Variants in EXOC1L observed in about 807,000 individuals in gnomAD.
The protein encoded by EXOC1L is exocyst complex component 1 like, also known as exocyst complex component 1-like.
A neutral mutation model predicts 4.9 loss-of-function variants in EXOC1L; 10 were observed. The ratio of observed to expected loss-of-function variants is 2.02; its 90% CI spans 1.25 to 3.43. EXOC1L has a LOEUF of 3.43. EXOC1L is among the 30% of genes most tolerant of loss of function. The pLI is 0.00. For synonymous variants in EXOC1L, 41 were observed against 20.8 expected (o/e 1.97, Z -2.63); for missense variants, 114 against 59.4 (o/e 1.92, Z -3.02).
At position 55,829,081 on chromosome 4, in the gene EXOC1L, G is replaced by T. The variant is rs562150323; in HGVS notation, c.122-2253G>T. ...CTATTTGGGTTTGTATTCAGTGTTT[G>T]GTTTTCATCCAGTGTTGTTTCCATC... On this transcript the variant is annotated intron_variant, in intron 1 of 2. Coordinates refer to ENST00000636125, the MANE Select transcript of EXOC1L (RefSeq NM_001351574.3). Among the ~76,000 whole-genome samples, 36 of 152,180 alleles carry T rather than the reference G, an allele frequency of 2.4e-4. 1 individual carries two copies. The highest frequency in any genetic ancestry group is 8.7e-4 in the African/African-American group (36 of 41,532).
At chr4:55,821,612 C>T (rs531012697) in intron 1 of EXOC1L, among the ~76,000 whole-genome samples, 12 of 152,042 alleles carry the variant, frequency 7.9e-5, no homozygotes, top group African/African-American at 2.9e-4. Context: ...TAGTTTCTCC[C>T]TCCAAATTAT....
chr4:55,826,065 A>G lies in EXOC1L; in HGVS notation c.122-5269A>G, dbSNP rs575601734. ...GTGCTGTTGCACTCCAGCCTGGGCG[A>G]CAAGAGCGAAACTCCATCTCAAAAA... On this transcript the variant is annotated intron_variant, in intron 1 of 2. Coordinates refer to ENST00000636125, the MANE Select transcript of EXOC1L (RefSeq NM_001351574.3). Among the ~76,000 whole-genome samples, 36 of 149,462 alleles carry G rather than the reference A, an allele frequency of 2.4e-4. No individual in the cohort carries two copies. The South Asian group carries it at 7.7e-3, about 32-fold the overall frequency.
At position 55,836,634 on chromosome 4, in the gene EXOC1L, A is replaced by T. The variant is rs562148756; in HGVS notation, c.253-451A>T. On this transcript the variant is annotated intron_variant, in intron 2 of 2. Transcript: ENST00000636125. ...AAACTTCAAAGACAGCAAATTGGTG[A>T]TCTGTAGCATGCCAATGGCTAGCTA... is the stretch of plus-strand genomic sequence containing the variant. Among the ~76,000 whole-genome samples, 8 of 152,074 alleles carry T rather than the reference A, an allele frequency of 5.3e-5. No individual in the cohort carries two copies. The East Asian group carries it at 1.5e-3, about 29-fold the overall frequency.
chr4:55,831,288 T>C, intron 1 of EXOC1L, 46 bp from the exon 2 acceptor site: 1 of 518,250 alleles, frequency 1.9e-6, no homozygotes, highest in Middle Eastern at 3.5e-4. Context: ...AATAATTTAT[T>C]AGCTTCTAAG....
At chr4:55,830,052 T>G (rs1719985364) in intron 1 of EXOC1L, among the ~76,000 whole-genome samples, 1 of 152,208 alleles carries the variant, frequency 6.6e-6, no homozygotes, top group Non-Finnish European at 1.5e-5. Context: ...GTATGACCCC[T>G]GTCTTTTCAA....
chr4:55,825,330 A>G (rs1214584970), intron 1 of EXOC1L, among the ~76,000 whole-genome samples: 1 of 152,304 alleles, frequency 6.6e-6, no homozygotes, highest in East Asian at 1.9e-4. Flanking sequence ...CAGTAAGAGT[A>G]GATGCTTTTC....
chr4:55,828,670 G>A (rs906214286), intron 1 of EXOC1L, among the ~76,000 whole-genome samples: 2 of 151,780 alleles, frequency 1.3e-5, no homozygotes, highest in Non-Finnish European at 2.9e-5. Flanking sequence ...AGTGAGACCC[G>A]TCTCTACAAA....
intron 2 of EXOC1L, among the ~76,000 whole-genome samples, chr4:55,833,509 T>C (rs1223334888): frequency 1.3e-5 from 2 of 151,942 alleles, no homozygotes; most frequent in Non-Finnish European, 2.9e-5. Flanking sequence ...GTCAAATTTC[T>C]ATAATACTGC....
At chr4:55,826,255 T>C (rs1413775755) in intron 1 of EXOC1L, among the ~76,000 whole-genome samples, 1 of 152,166 alleles carries the variant, frequency 6.6e-6, no homozygotes, top group Non-Finnish European at 1.5e-5. Context: ...TTAACTTAAA[T>C]GATGAAAACA....
intron 1 of EXOC1L, among the ~76,000 whole-genome samples, chr4:55,829,671 C>G (rs1162421548): frequency 6.6e-6 from 1 of 152,170 alleles, no homozygotes; most frequent in African/African-American, 2.4e-5. Context: ...TCCCTTCTCC[C>G]GAGGACTGAG....
Position 55,831,401 on chromosome 4 carries a change from T to C in EXOC1L, c.189T>C (p.Tyr63=), listed in dbSNP as rs1720027554. 2 of 693,620 alleles carry C rather than the reference T, an allele frequency of 2.9e-6. No individual in the cohort carries two copies. The highest frequency in any genetic ancestry group is 2.1e-5 in the Admixed American group (1 of 48,246). The allele number at this position is 693,620 out of a possible 1,614,324, so 43.0% of individuals were successfully genotyped here. A position where few individuals can be genotyped will look rare whatever the true frequency, so the allele number is the denominator to read the frequency against. The change falls in exon 2 of 3, where the codon TAT becomes TAC. Residue 63 remains tyrosine, a synonymous_variant. Transcript: ENST00000636125. ...KHYRIGLDEK[Y]EVTKKWSLND... ...ACAGAATAGGTTTAGATGAAAAATA[T>C]GAAGTAACAAAAAAGTGGTCTTTGA...
At chr4:55,830,364 TATA>T (rs1719996049) in intron 1 of EXOC1L, among the ~76,000 whole-genome samples, 1 of 152,120 alleles carries the variant, frequency 6.6e-6, no homozygotes, top group Non-Finnish European at 1.5e-5. Flanking sequence ...GCCACCTCTT[TATA>T]ATATGTTATT....
intron 1 of EXOC1L, among the ~76,000 whole-genome samples, chr4:55,826,687 T>C (rs1411064943): frequency 6.6e-6 from 1 of 152,182 alleles, no homozygotes; most frequent in African/African-American, 2.4e-5. Flanking sequence ...ATGTGATAGG[T>C]TTCCACTTTG....
rs1720202072 is a variant in EXOC1L, at chr4:55,837,441, G to T, written c.*90G>T. The T allele has an allele frequency of 2.3e-6, 1 of 438,062 alleles. No homozygotes were observed. The highest frequency in any genetic ancestry group is 4.0e-6 in the Non-Finnish European group (1 of 248,084). The allele number at this position is 438,062 out of a possible 1,614,324, so 27.1% of individuals were successfully genotyped here. On this transcript the variant is annotated 3_prime_UTR_variant, in exon 3 of 3. Transcript: ENST00000636125. ...TCATAATTTTGTTTTTCCTTCATCA[G>T]TGATTATTATAATTTAAATAAAAAT...
chr4:55,821,991 G>A (rs1447007316), intron 1 of EXOC1L, among the ~76,000 whole-genome samples: 1 of 152,178 alleles, frequency 6.6e-6, no homozygotes, highest in Non-Finnish European at 1.5e-5. Context: ...CATTGGTAAT[G>A]AATCAAAGAG....
At chr4:55,835,199 A>G in intron 2 of EXOC1L, among the ~76,000 whole-genome samples, 1 of 150,732 alleles carries the variant, frequency 6.6e-6, no homozygotes, top group Non-Finnish European at 1.5e-5. Flanking sequence ...TGATATATAT[A>G]TTATATAAAT....
chr4:55,837,073 A>G lies in EXOC1L; in HGVS notation c.253-12A>G, dbSNP rs966264074. On this transcript the variant is annotated splice_polypyrimidine_tract_variant and intron_variant, in intron 2 of 2. Transcript: ENST00000636125. ...GGCTACCAACTAAATCATGTCTCTC[A>G]TTCTCTTCCAGGACAATCCATTTTT... is the stretch of plus-strand genomic sequence containing the variant. 12 of 678,802 alleles carry G rather than the reference A, an allele frequency of 1.8e-5. No homozygotes were observed. The highest frequency in any genetic ancestry group is 3.2e-5 in the Non-Finnish European group (12 of 370,384). 42.0% of individuals were successfully genotyped at this position (678,802 alleles called of 1,614,324 possible).
intron 1 of EXOC1L, among the ~76,000 whole-genome samples, chr4:55,828,965 A>G (rs1719957814): frequency 6.6e-6 from 1 of 152,200 alleles, no homozygotes; most frequent in Non-Finnish European, 1.5e-5. Context: ...CTTCCATCTC[A>G]TTCTCTTTTG....
At chr4:55,820,893 T>A (rs1448253434) in intron 1 of EXOC1L, among the ~76,000 whole-genome samples, 2 of 152,242 alleles carry the variant, frequency 1.3e-5, no homozygotes, top group Non-Finnish European at 2.9e-5. Flanking sequence ...ATTTCTGTGC[T>A]GAATTTAGAC....
Sources: allele counts gnomAD v4.1 joint callset (sites outside exome capture counted in the v4.1 genomes callset), GRCh38; gene constraint gnomAD v4.1.1; transcripts MANE v1.5; gene names NCBI Gene and HGNC (gene_info 2026-07-23, HGNC 2026-07-21).